Variants in LUC7L2 observed in about 807,000 individuals in gnomAD.
The protein encoded by LUC7L2 is putative RNA-binding protein Luc7-like 2.
A neutral mutation model predicts 52.8 loss-of-function variants in LUC7L2; 25 were observed. That is an observed-to-expected ratio of 0.47 (90% CI 0.34 to 0.66). LUC7L2 has a LOEUF of 0.66. LUC7L2 is among the 30% of genes least tolerant of loss of function. LUC7L2 has a pLI of 0.01. For synonymous variants in LUC7L2, 144 were observed against 160.9 expected, an observed-to-expected ratio of 0.89 and a Z score of 0.80; for missense variants, 328 against 497.8, an observed-to-expected ratio of 0.66 and a Z score of 3.25.
rs1215384546 is a variant in LUC7L2, at chr7:139,417,861, TTA to T, written c.1001+134_1001+135del. ...TTTGCATCTGGTAATATGTACACATTTATGTGTGGGTGTACAACATTTTTCTG... is the reference window on the plus strand; with the variant it reads ...TTTGCATCTGGTAATATGTACACATTTGTGTGGGTGTACAACATTTTTCTG... On this transcript the variant is annotated intron_variant, in intron 9 of 9. Transcript: ENST00000354926. 1.7e-5 allele frequency: 21 copies of T among 1,226,274 alleles called. No homozygotes were observed. In the East Asian group the frequency reaches 4.9e-4, roughly 28 times the overall value. 76.0% of individuals were successfully genotyped at this position (1,226,274 alleles called of 1,614,324 possible).
At chr7:139,372,967 C>G (rs1800528248) in intron 1 of LUC7L2, among the ~76,000 whole-genome samples, 1 of 151,994 alleles carries the variant, frequency 6.6e-6, no homozygotes, top group East Asian at 1.9e-4. Context: ...ACTTTTTCCC[C>G]CATAATAGGT....
At chr7:139,416,010 C>T (rs1420815871) in intron 8 of LUC7L2, 1 of 106,622 alleles carries the variant, frequency 9.4e-6, no homozygotes, top group African/African-American at 4.2e-5. Flanking sequence ...CTTAAAGTGA[C>T]TTAAATTTAA....
intron 9 of LUC7L2, among the ~76,000 whole-genome samples, chr7:139,420,102 A>G (rs558852971): frequency 1.9e-4 from 29 of 152,348 alleles, no homozygotes; most frequent in South Asian, 1.4e-3. Context: ...TGCCCTGCGT[A>G]AATGAGGACC....
intron 1 of LUC7L2, among the ~76,000 whole-genome samples, chr7:139,351,516 A>G (rs982758045): frequency 6.6e-6 from 1 of 152,122 alleles, no homozygotes; most frequent in Non-Finnish European, 1.5e-5. Flanking sequence ...TTTTACCTCC[A>G]ATTATGCTCT....
chr7:139,417,755 T>C, intron 9 of LUC7L2, 26 bp downstream of exon 9: 1 of 1,601,922 alleles, frequency 6.2e-7, no homozygotes, highest in Non-Finnish European at 8.5e-7. Context: ...TCAGAGGATA[T>C]GGAGCTACCT....
At position 139,422,417 on chromosome 7, in the gene LUC7L2, GTGACAGTGAGCAGA is replaced by G. The variant is rs1267475584; in HGVS notation, c.*79_*92del. ...ATTGTTTAGTTCACAGCTGTTCAGG[GTGACAGTGAGCAGA>G]TCCAGACACCAGATCCAGCTAGGCT... On this transcript the variant is annotated 3_prime_UTR_variant, in exon 10 of 10. Coordinates refer to ENST00000354926, the MANE Select transcript of LUC7L2 (RefSeq NM_016019.5). 44 of 1,519,028 alleles carry G rather than the reference GTGACAGTGAGCAGA, an allele frequency of 2.9e-5. No homozygotes were observed. In the Admixed American group the frequency reaches 9.8e-4, roughly 34 times the overall value. The allele number at this position is 1,519,028 out of a possible 1,614,324, so 94.1% of individuals were successfully genotyped here. A position where few individuals can be genotyped will look rare whatever the true frequency, so the allele number is the denominator to read the frequency against.
At chr7:139,343,009 A>G (rs1261062604) in intron 1 of LUC7L2, among the ~76,000 whole-genome samples, 2 of 152,222 alleles carry the variant, frequency 1.3e-5, no homozygotes, top group East Asian at 1.9e-4. Context: ...GGAGAAACCT[A>G]CCCTTTCTCC....
intron 8 of LUC7L2, chr7:139,417,283 C>T: frequency 2.7e-6 from 1 of 368,688 alleles, no homozygotes; most frequent in East Asian, 5.0e-5. Flanking sequence ...TCAAGCGATC[C>T]TCCTGCCTCA....
intron 1 of LUC7L2, among the ~76,000 whole-genome samples, chr7:139,340,866 T>G (rs533082525): frequency 1.2e-3 from 178 of 152,154 alleles, no homozygotes; most frequent in African/African-American, 4.1e-3. Context: ...GTGTGTGTGT[T>G]TTTACTAGCT....
chr7:139,420,774 C>T (rs1008349418), intron 9 of LUC7L2, among the ~76,000 whole-genome samples: 24 of 151,832 alleles, frequency 1.6e-4, no homozygotes, highest in African/African-American at 5.8e-4. Flanking sequence ...CTAGTGTAGA[C>T]GTGGAATCAC....
chr7:139,390,754 C>A (rs1302505434), intron 2 of LUC7L2, among the ~76,000 whole-genome samples: 1 of 152,010 alleles, frequency 6.6e-6, no homozygotes, highest in Non-Finnish European at 1.5e-5. Flanking sequence ...GACGGGATTT[C>A]ACCGTGTTAG....
At chr7:139,420,766 AG>A (rs560741977) in intron 9 of LUC7L2, among the ~76,000 whole-genome samples, 262 of 152,128 alleles carry the variant, frequency 1.7e-3, no homozygotes, top group South Asian at 5.8e-3. Context: ...GGATAGGACT[AG>A]TGTAGACGTG....
chr7:139,388,195 A>G (rs1265803567), intron 2 of LUC7L2, among the ~76,000 whole-genome samples: 1 of 152,146 alleles, frequency 6.6e-6, no homozygotes, highest in East Asian at 1.9e-4. Flanking sequence ...TTCCAGTTAG[A>G]TAGTACACCA....
chr7:139,422,208 CAG>C lies in LUC7L2; in HGVS notation c.1051_1052del (p.Asp351GlnfsTer10). 2.5e-6 allele frequency: 4 copies of C among 1,613,916 alleles called. No individual in the cohort carries two copies. Among genetic ancestry groups the C allele is most frequent in the Non-Finnish European group, 2.5e-6 (3 of 1,179,962 alleles). On this transcript the variant is annotated frameshift_variant, in exon 10 of 10. Coordinates refer to ENST00000354926, the MANE Select transcript of LUC7L2 (RefSeq NM_016019.5). LOFTEE classifies it high-confidence loss of function. ...GAGACCAAGACTTAGCATCATGTGA[CAG>C]AGACAGGAGTTCAAGAGACAGATCA... ...FRDQDLASCD[R>X]DRSSRDRSPR...
chr7:139,360,405 G>GC, intron 1 of LUC7L2, 83 bp downstream of exon 1: 2 of 1,336,620 alleles, frequency 1.5e-6, no homozygotes, highest in Non-Finnish European at 2.1e-6. Context: ...ACCTGGGCGC[G>GC]CGCGTGTGGC....
intron 2 of LUC7L2, among the ~76,000 whole-genome samples, chr7:139,390,312 G>C (rs1276844502): frequency 1.3e-5 from 2 of 151,196 alleles, no homozygotes; most frequent in Non-Finnish European, 2.9e-5. Context: ...CCAGGCTGGA[G>C]TGCAGTGGCG....
chr7:139,396,142 A>G (rs1794655483), intron 2 of LUC7L2, among the ~76,000 whole-genome samples: 1 of 152,204 alleles, frequency 6.6e-6, no homozygotes, highest in Non-Finnish European at 1.5e-5. Flanking sequence ...AGCTTTGATT[A>G]TTGAAAATAT....
At chr7:139,375,032 G>A (rs1169317537) in intron 1 of LUC7L2, 5 of 983,426 alleles carry the variant, frequency 5.1e-6, no homozygotes, top group African/African-American at 1.7e-5. Flanking sequence ...TTCATTCATC[G>A]ATAATATATC....
chr7:139,343,005 A>C (rs1268369398), intron 1 of LUC7L2, among the ~76,000 whole-genome samples: 1 of 152,106 alleles, frequency 6.6e-6, no homozygotes, highest in African/African-American at 2.4e-5. Context: ...TTAGGGAGAA[A>C]CCTACCCTTT....
Sources: gnomAD v4.1 joint callset for allele counts (sites outside exome capture counted in the v4.1 genomes callset) on GRCh38, gnomAD v4.1.1 for gene constraint, MANE v1.5 for transcripts, NCBI Gene and HGNC (gene_info 2026-07-23, HGNC 2026-07-21) for gene names.